The following SGCG variants were observed in gnomAD, a reference collection of about 807,000 sequenced individuals.
SGCG encodes the protein sarcoglycan gamma.
Under a neutral mutation model 29.3 loss-of-function variants are expected in SGCG, and 26 were observed. The observed-to-expected ratio is 0.89, with a 90% CI of 0.65 to 1.23. SGCG has a LOEUF of 1.23. Ranked by LOEUF, SGCG falls within the 50% of genes most tolerant of loss-of-function variation. The pLI is 0.00. For synonymous variants in SGCG, 145 were observed against 129.7 expected, an observed-to-expected ratio of 1.12 and a Z score of -0.80; for missense variants, 353 against 356.0, an observed-to-expected ratio of 0.99 and a Z score of 0.07.
chr13:23,224,291 G>A (rs191993318), intron 2 of SGCG, among the ~76,000 whole-genome samples: 1 of 152,294 alleles, frequency 6.6e-6, no homozygotes, highest in Non-Finnish European at 1.5e-5. Flanking sequence ...CTAATAAGGT[G>A]AAACTACAGG....
chr13:23,295,801 C>T (rs1881884260), intron 6 of SGCG, among the ~76,000 whole-genome samples: 1 of 152,202 alleles, frequency 6.6e-6, no homozygotes, highest in African/African-American at 2.4e-5. Context: ...TTCATCGCTC[C>T]CACATCACAT....
chr13:23,317,128 G>T (rs1882846129), intron 6 of SGCG, among the ~76,000 whole-genome samples: 2 of 152,088 alleles, frequency 1.3e-5, no homozygotes, highest in African/African-American at 4.8e-5. Context: ...CCAGGAGGCA[G>T]AGCTTGTAGT....
In SGCG at chr13:23,186,141, C is replaced by G. The variant is rs116234451; in HGVS notation, c.-1+5066C>G. Among the ~76,000 whole-genome samples, 388 of 152,344 alleles carry G rather than the reference C, an allele frequency of 2.5e-3. 2 individuals are homozygous for G. Among genetic ancestry groups the G allele is most frequent in the African/African-American group, 8.2e-3 (339 of 41,576 alleles). ...ATTTGCTTCATTCTCATCTAACACC[C>G]TGGCTGGTCTGAGTAGCCTTGGGGT... On this transcript the variant is annotated intron_variant, in intron 1 of 7. Transcript: ENST00000218867.
In SGCG at chr13:23,269,518, A is replaced by T. The variant is rs1332711203; in HGVS notation, c.386-9841A>T. ...ACCCTCTCAGTAGCCAGTCTTTTCC[A>T]TTTTAGGTTTATCCATCCTCCATTT... On this transcript the variant is annotated intron_variant, in intron 4 of 7. Transcript: ENST00000218867. Among the ~76,000 whole-genome samples the T allele has an allele frequency of 2.6e-5, 4 of 152,116 alleles. No homozygotes were observed. In the South Asian group the frequency reaches 8.3e-4, roughly 32 times the overall value.
intron 4 of SGCG, among the ~76,000 whole-genome samples, chr13:23,265,255 A>G (rs979374755): frequency 6.6e-6 from 1 of 150,716 alleles, no homozygotes; most frequent in Non-Finnish European, 1.5e-5. Flanking sequence ...CAGATCAGCA[A>G]GAAAAAAAAA....
the SGCG span, among the ~76,000 whole-genome samples, chr13:23,169,147 C>T: frequency 1.3e-5 from 2 of 151,864 alleles, no homozygotes; most frequent in African/African-American, 4.8e-5. Flanking sequence ...TCATTTTTGA[C>T]CCCCTTCCCA....
intron 4 of SGCG, among the ~76,000 whole-genome samples, chr13:23,260,029 G>T (rs1880363365): frequency 6.6e-6 from 1 of 152,270 alleles, no homozygotes; most frequent in African/African-American, 2.4e-5. Flanking sequence ...TGTTGATTTG[G>T]GGTGGAGAGT....
intron 5 of SGCG, among the ~76,000 whole-genome samples, chr13:23,283,362 C>G (rs1007406760): frequency 6.6e-6 from 1 of 152,132 alleles, no homozygotes; most frequent in Non-Finnish European, 1.5e-5. Context: ...ATTCCTTTAC[C>G]ATTATGTAAT....
At chr13:23,195,741 A>G (rs1015176857) in intron 1 of SGCG, among the ~76,000 whole-genome samples, 1 of 152,010 alleles carries the variant, frequency 6.6e-6, no homozygotes, top group African/African-American at 2.4e-5. Context: ...ATAACTTTGG[A>G]TGAAATTGAT....
intron 4 of SGCG, among the ~76,000 whole-genome samples, chr13:23,275,120 A>AAT (rs55873099): frequency 0.045 from 5,849 of 129,884 alleles, 373 homozygotes; most frequent in African/African-American, 0.14. Flanking sequence ...TAATGGATGG[A>AAT]ATATATATAT....
intron 5 of SGCG, among the ~76,000 whole-genome samples, chr13:23,289,841 T>A (rs1431289295): frequency 6.6e-6 from 1 of 152,242 alleles, no homozygotes; most frequent in East Asian, 1.9e-4. Flanking sequence ...TGAATTGTTT[T>A]GAACAGGGTA....
intron 2 of SGCG, among the ~76,000 whole-genome samples, chr13:23,211,936 G>A (rs1157157462): frequency 2.0e-5 from 3 of 152,110 alleles, no homozygotes; most frequent in Non-Finnish European, 2.9e-5. Flanking sequence ...CTGGTGGGAG[G>A]TGATTGGATC....
chr13:23,163,535 C>A, the SGCG span, among the ~76,000 whole-genome samples: 1 of 152,082 alleles, frequency 6.6e-6, no homozygotes, highest in African/African-American at 2.4e-5. Context: ...AAATTAAATC[C>A]CAGCATGGAT....
At chr13:23,320,388 G>A (rs1192037738) in intron 6 of SGCG, among the ~76,000 whole-genome samples, 1 of 152,166 alleles carries the variant, frequency 6.6e-6, no homozygotes, top group Non-Finnish European at 1.5e-5. Flanking sequence ...GATTAGGACT[G>A]CCTAATGTTT....
At chr13:23,236,690 CAAT>C (rs59049093) in intron 3 of SGCG, among the ~76,000 whole-genome samples, 11 of 151,180 alleles carry the variant, frequency 7.3e-5, no homozygotes, top group Admixed American at 5.9e-4. Flanking sequence ...AAAATAATAA[CAAT>C]AATAATAATA....
chr13:23,322,243 T>C (rs1883064128), intron 7 of SGCG, among the ~76,000 whole-genome samples: 1 of 152,158 alleles, frequency 6.6e-6, no homozygotes, highest in African/African-American at 2.4e-5. Flanking sequence ...CCAATAGGGA[T>C]GGCACCACGT....
intron 3 of SGCG, among the ~76,000 whole-genome samples, chr13:23,247,995 C>T (rs372768550): frequency 3.4e-5 from 5 of 146,332 alleles, no homozygotes; most frequent in African/African-American, 1.3e-4. Context: ...AAAAAATAGG[C>T]CAGATGTAGT....
chr13:23,215,298 A>G lies in SGCG; in HGVS notation c.195+11409A>G, dbSNP rs556733796. Among the ~76,000 whole-genome samples, 189 of 152,328 alleles carry G rather than the reference A, an allele frequency of 1.2e-3. 1 individual carries two copies. Among genetic ancestry groups the G allele is most frequent in the African/African-American group, 3.8e-3 (159 of 41,576 alleles). ...TTCTACCAATAATATGAAACTGTTA[A>G]TGTCTTCTGGTAACATAGTTTTTTT... On this transcript the variant is annotated intron_variant, in intron 2 of 7. Coordinates refer to ENST00000218867, the MANE Select transcript of SGCG (RefSeq NM_000231.3).
intron 3 of SGCG, chr13:23,244,985 A>AG (rs1879647820): frequency 6.6e-6 from 1 of 152,176 alleles, no homozygotes; most frequent in Non-Finnish European, 1.5e-5. Flanking sequence ...GTGGTTTGGA[A>AG]GGGGACAGAG....
Sources: gnomAD v4.1 joint callset for allele counts (sites outside exome capture counted in the v4.1 genomes callset) on GRCh38, gnomAD v4.1.1 for gene constraint, MANE v1.5 for transcripts, NCBI Gene and HGNC (gene_info 2026-07-23, HGNC 2026-07-21) for gene names.